SPAG16: variants seen among roughly 807,000 people sequenced by gnomAD.
SPAG16 encodes sperm-associated antigen 16 protein.
SPAG16 carries 86 observed loss-of-function variants against 80.4 expected under a neutral mutation model. The ratio of observed to expected loss-of-function variants is 1.07; its 90% CI spans 0.90 to 1.28. The LOEUF (loss-of-function observed/expected upper bound fraction) is 1.28. SPAG16 is among the 50% of genes most tolerant of loss of function. SPAG16 has a pLI of 0.00. For missense variants in SPAG16, 870 were observed against 765.3 expected, an observed-to-expected ratio of 1.14 and a Z score of -1.61; for synonymous variants, 294 against 265.9, an observed-to-expected ratio of 1.11 and a Z score of -1.03.
At chr2:213,942,670 A>G (rs2079260169) in intron 12 of SPAG16, among the ~76,000 whole-genome samples, 1 of 152,218 alleles carries the variant, frequency 6.6e-6, no homozygotes, top group Admixed American at 6.5e-5. Context: ...TCCAGCAGCA[A>G]GAAAAAGCAA....
intron 14 of SPAG16, among the ~76,000 whole-genome samples, chr2:214,119,889 A>T (rs2054130114): frequency 2.6e-5 from 4 of 151,978 alleles, no homozygotes; most frequent in Admixed American, 2.6e-4. Flanking sequence ...ATTGTTGCTG[A>T]TGAGAATCAA....
intron 14 of SPAG16, among the ~76,000 whole-genome samples, chr2:214,118,427 A>T (rs1261854222): frequency 2.0e-5 from 3 of 152,168 alleles, no homozygotes; most frequent in African/African-American, 7.2e-5. Context: ...ACACTGCTAT[A>T]AAGGACTGCC....
chr2:213,569,877 G>A (rs1267749195), intron 10 of SPAG16, among the ~76,000 whole-genome samples: 1 of 135,742 alleles, frequency 7.4e-6, no homozygotes, highest in Non-Finnish European at 1.5e-5. Flanking sequence ...GACTCTTTTT[G>A]GTTGGTAAAC....
chr2:213,825,188 C>A (rs755542163), intron 10 of SPAG16, among the ~76,000 whole-genome samples: 39 of 151,996 alleles, frequency 2.6e-4, no homozygotes, highest in Admixed American at 2.0e-4. Context: ...AATTTGAATT[C>A]TTTCTTTCCA....
At chr2:213,661,489 C>T (rs1559353691) in intron 10 of SPAG16, among the ~76,000 whole-genome samples, 1 of 152,110 alleles carries the variant, frequency 6.6e-6, no homozygotes, top group African/African-American at 2.4e-5. Flanking sequence ...GGTGTGTACT[C>T]ACCAGACTTC....
chr2:213,620,281 G>GTTTTTTT lies in SPAG16; in HGVS notation c.1070+130214_1070+130220dup, dbSNP rs36059669. ...AATGTAGTTAACAATAATTTATTGA[G>GTTTTTTT]TTTTTTTTTTTTTTTTTTTTTTTTT... On this transcript the variant is annotated intron_variant, in intron 10 of 15. Coordinates refer to ENST00000331683, the MANE Select transcript of SPAG16 (RefSeq NM_024532.5). Among the ~76,000 whole-genome samples the GTTTTTTT allele has an allele frequency of 7.1e-4, 59 of 82,826 alleles. 9 individuals are homozygous for GTTTTTTT. Among genetic ancestry groups the GTTTTTTT allele is most frequent in the African/African-American group, 3.0e-3 (56 of 18,972 alleles). The allele number at this position is 82,826 out of a possible 152,430, so 54.3% of individuals were successfully genotyped here.
intron 14 of SPAG16, among the ~76,000 whole-genome samples, chr2:214,117,766 C>T (rs1164782164): frequency 6.6e-6 from 1 of 152,120 alleles, no homozygotes; most frequent in Non-Finnish European, 1.5e-5. Context: ...ATATGATCAT[C>T]TCATTAGCCA....
intron 10 of SPAG16, among the ~76,000 whole-genome samples, chr2:213,689,599 T>C (rs918668218): frequency 1.2e-4 from 15 of 129,778 alleles, no homozygotes; most frequent in African/African-American, 4.3e-4. Flanking sequence ...CAGTGCCCAA[T>C]AGCCATATGA....
chr2:213,689,763 C>T (rs758185798), intron 10 of SPAG16, among the ~76,000 whole-genome samples: 9 of 151,988 alleles, frequency 5.9e-5, no homozygotes, highest in African/African-American at 1.9e-4. Context: ...GCTGAATATT[C>T]GAGGAGAATT....
intron 15 of SPAG16, among the ~76,000 whole-genome samples, chr2:214,243,340 A>T (rs868513466): frequency 6.6e-6 from 1 of 152,142 alleles, no homozygotes; most frequent in Non-Finnish European, 1.5e-5. Context: ...ATAATATACA[A>T]GCTTGCCTAT....
intron 10 of SPAG16, among the ~76,000 whole-genome samples, chr2:213,794,325 T>A (rs1199507695): frequency 6.6e-6 from 1 of 152,160 alleles, no homozygotes; most frequent in Admixed American, 6.5e-5. Context: ...ATAACTTATA[T>A]GCACATTGTA....
At chr2:214,108,314 C>T (rs527963067) in intron 14 of SPAG16, 53 bp downstream of exon 14, 4 of 1,405,276 alleles carry the variant, frequency 2.8e-6, no homozygotes, top group East Asian at 4.7e-5. Context: ...TATACAAATT[C>T]ATTTTTATAA....
At chr2:214,291,724 G>T (rs939760873) in intron 15 of SPAG16, among the ~76,000 whole-genome samples, 1 of 151,988 alleles carries the variant, frequency 6.6e-6, no homozygotes, top group African/African-American at 2.4e-5. Flanking sequence ...TTGTTGTTTC[G>T]GGTTGTGTTG....
At chr2:214,366,752 A>T (rs1302628532) in intron 15 of SPAG16, among the ~76,000 whole-genome samples, 1 of 152,178 alleles carries the variant, frequency 6.6e-6, no homozygotes, top group African/African-American at 2.4e-5. Context: ...GTAAATACAC[A>T]AAGAGAAAGT....
chr2:213,961,446 G>T (rs1016335466), intron 12 of SPAG16, among the ~76,000 whole-genome samples: 1 of 151,850 alleles, frequency 6.6e-6, no homozygotes, highest in Non-Finnish European at 1.5e-5. Context: ...GAATAGAAGT[G>T]ATTAGATCGG....
intron 9 of SPAG16, among the ~76,000 whole-genome samples, chr2:213,383,206 A>C (rs1019282630): frequency 7.2e-5 from 11 of 152,206 alleles, no homozygotes; most frequent in Non-Finnish European, 1.3e-4. Context: ...TGGATAATAT[A>C]TGTATAAACA....
At chr2:213,554,900 G>A (rs2125960112) in intron 10 of SPAG16, among the ~76,000 whole-genome samples, 1 of 152,000 alleles carries the variant, frequency 6.6e-6, no homozygotes, top group Middle Eastern at 3.4e-3. Flanking sequence ...AGAAGGTGAG[G>A]AAAGAGACCA....
At chr2:214,287,737 A>T (rs1312446273) in intron 15 of SPAG16, among the ~76,000 whole-genome samples, 3 of 152,236 alleles carry the variant, frequency 2.0e-5, no homozygotes, top group Non-Finnish European at 4.4e-5. Flanking sequence ...TACTTGAAAA[A>T]TCAGTGTGTG....
intron 10 of SPAG16, among the ~76,000 whole-genome samples, chr2:213,687,748 T>C (rs1372642329): frequency 6.6e-6 from 1 of 152,200 alleles, no homozygotes; most frequent in Non-Finnish European, 1.5e-5. Context: ...TCATGTTTCT[T>C]GTGGTTGAAG....
Sources: gnomAD v4.1 joint callset for allele counts (sites outside exome capture counted in the v4.1 genomes callset) on GRCh38, gnomAD v4.1.1 for gene constraint, MANE v1.5 for transcripts, NCBI Gene and HGNC (gene_info 2026-07-23, HGNC 2026-07-21) for gene names.